ZNF696: variants seen among roughly 807,000 people sequenced by gnomAD.
ZNF696 encodes the protein zinc finger protein 696.
In ZNF696, 10 loss-of-function variants were observed where a neutral mutation model predicts 12.3. The observed-to-expected ratio is 0.81, with a 90% CI of 0.50 to 1.38. The LOEUF (loss-of-function observed/expected upper bound fraction) is 1.38, where lower values mean the gene tolerates loss of function less well. Ranked by LOEUF, ZNF696 falls within the 40% of genes most tolerant of loss-of-function variation. ZNF696 has a pLI of 0.00. For synonymous variants in ZNF696, 304 were observed against 243.9 expected, an observed-to-expected ratio of 1.25 and a Z score of -2.29; for missense variants, 675 against 554.7, an observed-to-expected ratio of 1.22 and a Z score of -2.18.
Position 143,296,657 on chromosome 8 carries a change from C to T in ZNF696, c.982C>T (p.Arg328Cys). Residue 328 changes from arginine to cysteine, a missense_variant, in exon 3 of 3, where the codon CGC (arginine) becomes TGC (cysteine). By Grantham distance (180) the Arg-to-Cys change is radical. Transcript: ENST00000330143. ...EKPHQCGHCG[R>C]AFRALSGFFR... ...GCCCCACCAGTGCGGCCACTGCGGG[C>T]GCGCGTTCCGGGCGCTGTCGGGCTT... is the stretch of plus-strand genomic sequence containing the variant. The T allele has an allele frequency of 6.3e-7, 1 of 1,576,794 alleles. No individual in the cohort carries two copies. The highest frequency in any genetic ancestry group is 8.6e-7 in the Non-Finnish European group (1 of 1,169,230).
rs1479870370 is a variant in ZNF696 at position 143,295,747 on chromosome 8, G to T, written c.72G>T (p.Lys24Asn). The part of the protein sequence containing the change: ...STLMESLAAV[K>N]AAFLAQAPSG... ...GTCTGGCCTCTTTTTCAGCTGTGAA[G>T]GCTGCTTTCCTGGCGCAGGCCCCGA... The change falls in exon 3 of 3, where the codon AAG becomes AAT. Residue 24 changes from lysine (K) to asparagine (N), a missense_variant. Lys to Asn is a moderately conservative substitution (Grantham distance 94). Transcript: ENST00000330143. 6.3e-7 allele frequency: 1 copy of T among 1,595,112 alleles called. No homozygotes were observed. Among genetic ancestry groups the T allele is most frequent in the Admixed American group, 1.8e-5 (1 of 56,784 alleles).
intron 1 of ZNF696, among the ~76,000 whole-genome samples, chr8:143,291,970 T>C (rs1815632586): frequency 6.6e-6 from 1 of 152,082 alleles, no homozygotes; most frequent in African/African-American, 2.4e-5. Flanking sequence ...TATTTACTTA[T>C]TTTTTTAAGA....
chr8:143,292,365 C>T (rs568032280), intron 1 of ZNF696: 1 of 151,668 alleles, frequency 6.6e-6, no homozygotes. Context: ...AATTTTCCTT[C>T]CTTTCTCATT....
rs753607333 is a variant in ZNF696, at chr8:143,295,808, A to G, written c.133A>G (p.Ser45Gly). 4 of 1,601,238 alleles carry G rather than the reference A, an allele frequency of 2.5e-6. No individual in the cohort carries two copies. Among genetic ancestry groups the G allele is most frequent in the Non-Finnish European group, 3.4e-6 (4 of 1,175,314 alleles). The change falls in exon 3 of 3, where the codon AGC becomes GGC. Residue 45 changes from serine (S) to glycine (G), a missense_variant. Transcript: ENST00000330143. Reference sequence around the variant, plus strand: ...GTCAGCCGAGGTGCAGGCAGCTCAGAGCACGGAGCCTGCCGCAGAGGCAGG... The same window carrying G: ...GTCAGCCGAGGTGCAGGCAGCTCAGGGCACGGAGCCTGCCGCAGAGGCAGG... ...SRSAEVQAAQ[S>G]TEPAAEAGAP... is the part of the protein sequence containing the mutation.
Position 143,293,080 on chromosome 8 carries a change from C to T in ZNF696, c.64+15C>T, listed in dbSNP as rs1246340691. 6.2e-7 allele frequency: 1 copy of T among 1,605,676 alleles called. No individual in the cohort carries two copies. ...GTCCCTTGCAGGTGAGGGGACATGT[C>T]CACAGTCGGGCCCAGAGTTCCAGGG... On this transcript the variant is annotated intron_variant, in intron 2 of 2. Coordinates refer to ENST00000330143, the MANE Select transcript of ZNF696 (RefSeq NM_030895.3).
At chr8:143,294,112 T>C (rs1455514252) in intron 2 of ZNF696, among the ~76,000 whole-genome samples, 1 of 152,236 alleles carries the variant, frequency 6.6e-6, no homozygotes. Flanking sequence ...CCCTCCTGGC[T>C]GAGTCCTCCT....
rs1815712133 is a variant in ZNF696, at chr8:143,296,297, C to T, written c.622C>T (p.Pro208Ser). ...CCAGCGCGTGCACACGGGCGAGAAG[C>T]CCTACGCGTGCGCCGACTGCGGCAA... is the stretch of plus-strand genomic sequence containing the variant. ...RHQRVHTGEKPYACADCGKAF... is the reference protein window; with the variant it reads ...RHQRVHTGEKSYACADCGKAF... Residue 208 changes from proline (P) to serine (S), a missense_variant, in exon 3 of 3, where the codon CCC (proline) becomes TCC (serine). Coordinates refer to ENST00000330143, the MANE Select transcript of ZNF696 (RefSeq NM_030895.3). The T allele has an allele frequency of 2.5e-6, 4 of 1,598,764 alleles. No individual in the cohort carries two copies. The highest frequency in any genetic ancestry group is 3.4e-6 in the Non-Finnish European group (4 of 1,176,126).
At position 143,296,090 on chromosome 8, in the gene ZNF696, G is replaced by C. The variant is rs774163214; in HGVS notation, c.415G>C (p.Asp139His). Residue 139 changes from aspartate to histidine, a missense_variant, in exon 3 of 3, where the codon GAC becomes CAC. Asp to His is a moderately conservative substitution (Grantham distance 81). Coordinates refer to ENST00000330143, the MANE Select transcript of ZNF696 (RefSeq NM_030895.3). ...ACGRSFKCSS[D>H]AAKHRSIHSG... is the part of the protein sequence containing the mutation. ...TGGCCGCAGCTTCAAGTGCTCCTCGGACGCGGCAAAGCACCGGAGCATCCA... is the reference window on the plus strand; with the variant it reads ...TGGCCGCAGCTTCAAGTGCTCCTCGCACGCGGCAAAGCACCGGAGCATCCA... 18 of 1,603,848 alleles carry C rather than the reference G, an allele frequency of 1.1e-5. No homozygotes were observed. Among genetic ancestry groups the C allele is most frequent in the Non-Finnish European group, 1.4e-5 (17 of 1,175,058 alleles).
chr8:143,296,612 C>G lies in ZNF696; in HGVS notation c.937C>G (p.Arg313Gly). The change falls in exon 3 of 3, where the codon CGC becomes GGC. Residue 313 changes from arginine to glycine, a missense_variant. Arg to Gly is a moderately radical substitution (Grantham distance 125, BLOSUM62 -2). Coordinates refer to ENST00000330143, the MANE Select transcript of ZNF696 (RefSeq NM_030895.3). ...SRSSFLREHR[R>G]IHTGEKPHQC... ...CAGCTCCTTCCTCCGCGAGCACCGC[C>G]GCATCCACACCGGGGAGAAGCCCCA... The G allele has an allele frequency of 6.3e-7, 1 of 1,586,250 alleles. No individual in the cohort carries two copies. The highest frequency in any genetic ancestry group is 8.5e-7 in the Non-Finnish European group (1 of 1,172,444).
Position 143,296,241 on chromosome 8 carries a change from C to G in ZNF696, c.566C>G (p.Ala189Gly). ...RPYACAECGK[A>G]FGQSFNLLRH... is the part of the protein sequence containing the mutation. ...TACGCGTGCGCCGAGTGCGGCAAGG[C>G]CTTCGGCCAGAGCTTCAACCTCCTC... The change falls in exon 3 of 3, where the codon GCC (alanine) becomes GGC (glycine). Residue 189 changes from alanine (A) to glycine (G), a missense_variant. Transcript: ENST00000330143. 6.3e-7 allele frequency: 1 copy of G among 1,596,448 alleles called. No homozygotes were observed.
At chr8:143,293,997 T>C (rs11136282) in intron 2 of ZNF696, among the ~76,000 whole-genome samples, 65,094 of 151,728 alleles carry the variant, frequency 0.43, 15,639 homozygotes, top group East Asian at 0.72. Flanking sequence ...GAGGTGCAGC[T>C]GGGACTCAGC....
chr8:143,296,590 CT>C lies in ZNF696; in HGVS notation c.916del (p.Ser306ProfsTer55). 1 of 1,586,482 alleles carries C rather than the reference CT, an allele frequency of 6.3e-7. No homozygotes were observed. Among genetic ancestry groups the C allele is most frequent in the Non-Finnish European group, 8.5e-7 (1 of 1,172,268 alleles). On this transcript the variant is annotated frameshift_variant, in exon 3 of 3. Transcript: ENST00000330143. LOFTEE classifies it high-confidence loss of function. ...ACTGCGGCCGCGCCTTCAGCCGCAG[CT>C]CCTTCCTCCGCGAGCACCGCCGCAT... ...QDCGRAFSRS[S>X]FLREHRRIHT...
At chr8:143,291,822 C>T in intron 1 of ZNF696, 55 bp downstream of exon 1, 2 of 982,646 alleles carry the variant, frequency 2.0e-6, no homozygotes, top group Non-Finnish European at 2.4e-6. Flanking sequence ...TTTAAATTAC[C>T]TTTTTGTAAA....
rs1815769688 is a variant in ZNF696, at chr8:143,299,597, C to G, written c.*2797C>G. The stretch of plus-strand genomic sequence containing the variant: ...TACGATTGTGCCGCTGCACTCCAGA[C>G]TGGACAACACAGTGAGAGCCCATAA... On this transcript the variant is annotated 3_prime_UTR_variant, in exon 3 of 3. Coordinates refer to ENST00000330143, the MANE Select transcript of ZNF696 (RefSeq NM_030895.3). Among the ~76,000 whole-genome samples the G allele has an allele frequency of 6.6e-6, 1 of 152,180 alleles. No homozygotes were observed. The highest frequency in any genetic ancestry group is 6.5e-5 in the Admixed American group (1 of 15,276).
At position 143,299,621 on chromosome 8, in the gene ZNF696, AAAAT is replaced by A. The variant is rs888918405; in HGVS notation, c.*2830_*2833del. On this transcript the variant is annotated 3_prime_UTR_variant, in exon 3 of 3. Coordinates refer to ENST00000330143, the MANE Select transcript of ZNF696 (RefSeq NM_030895.3). ...ACTGGACAACACAGTGAGAGCCCAT[AAAAT>A]AAATAAATGAACTGAACACAAACTT... Among the ~76,000 whole-genome samples, 4 of 152,188 alleles carry A rather than the reference AAAAT, an allele frequency of 2.6e-5. No individual in the cohort carries two copies. The highest frequency in any genetic ancestry group is 9.7e-5 in the African/African-American group (4 of 41,448).
chr8:143,294,079 G>A (rs4993195), intron 2 of ZNF696, among the ~76,000 whole-genome samples: 60,258 of 132,690 alleles, frequency 0.45, 14,721 homozygotes, highest in East Asian at 0.72. Flanking sequence ...TGCTGGCCTC[G>A]TTGGCCCCCC....
chr8:143,293,915 C>T lies in ZNF696; in HGVS notation c.64+850C>T, dbSNP rs563187905. ...GTCGATAGCAGCCTGCTCTCATCTGCCCTGGAACATCCCTGCCCCACCCCC... is the reference window on the plus strand; with the variant it reads ...GTCGATAGCAGCCTGCTCTCATCTGTCCTGGAACATCCCTGCCCCACCCCC... On this transcript the variant is annotated intron_variant, in intron 2 of 2. Transcript: ENST00000330143. 5.8e-4 allele frequency among the ~76,000 whole-genome samples: 88 copies of T among 152,332 alleles called. 1 individual carries two copies. The highest frequency in any genetic ancestry group is 1.2e-3 in the South Asian group (6 of 4,828).
At position 143,298,903 on chromosome 8, in the gene ZNF696, G is replaced by A. The variant is rs1306235271; in HGVS notation, c.*2103G>A. On this transcript the variant is annotated 3_prime_UTR_variant, in exon 3 of 3. Coordinates refer to ENST00000330143, the MANE Select transcript of ZNF696 (RefSeq NM_030895.3). The stretch of plus-strand genomic sequence containing the variant: ...GGGCTGGGCACGGTGGCTCACGCCT[G>A]TAATTCCAGCACTTTGGGAGGCTGA... Among the ~76,000 whole-genome samples, 1 of 152,190 alleles carries A rather than the reference G, an allele frequency of 6.6e-6. No individual in the cohort carries two copies. The highest frequency in any genetic ancestry group is 1.5e-5 in the Non-Finnish European group (1 of 68,036).
Position 143,296,150 on chromosome 8 carries a change from G to C in ZNF696, c.475G>C (p.Gly159Arg). Reference protein sequence around the residue: ...GEKPYECSDCGKAFIHSSHVV... With the variant: ...GEKPYECSDCRKAFIHSSHVV... ...GAAACCGTACGAGTGCAGCGACTGC[G>C]GGAAGGCCTTCATCCACAGCTCGCA... The change falls in exon 3 of 3, where the codon GGG (glycine) becomes CGG (arginine). Residue 159 changes from glycine to arginine, a missense_variant. By Grantham distance (125) the Gly-to-Arg change is moderately radical (BLOSUM62 -2). Coordinates refer to ENST00000330143, the MANE Select transcript of ZNF696 (RefSeq NM_030895.3). 1.2e-6 allele frequency: 2 copies of C among 1,609,234 alleles called. No individual in the cohort carries two copies. Among genetic ancestry groups the C allele is most frequent in the Non-Finnish European group, 1.7e-6 (2 of 1,178,806 alleles).
Sources: gnomAD v4.1 joint callset for allele counts (sites outside exome capture counted in the v4.1 genomes callset) on GRCh38, gnomAD v4.1.1 for gene constraint, MANE v1.5 for transcripts, NCBI Gene and HGNC (gene_info 2026-07-23, HGNC 2026-07-21) for gene names.